Variants in SLC8A2 observed in about 807,000 individuals in gnomAD.
The protein encoded by SLC8A2 is solute carrier family 8 member A2, also known as sodium/calcium exchanger 2.
In SLC8A2, 14 loss-of-function variants were observed where a neutral mutation model predicts 70.2. That is an observed-to-expected ratio of 0.20 (90% confidence interval 0.13 to 0.31). The LOEUF (loss-of-function observed/expected upper bound fraction) is 0.31. Among genes scored for constraint, SLC8A2 ranks in the 10% least tolerant of loss-of-function variants. The pLI is 1.00. For missense variants in SLC8A2, 779 were observed against 1,320.1 expected (o/e 0.59, Z 6.35); for synonymous variants, 575 against 594.3 (o/e 0.97, Z 0.47).
chr19:47,458,685 C>T (rs1333198544), intron 2 of SLC8A2, among the ~76,000 whole-genome samples: 2 of 149,094 alleles, frequency 1.3e-5, no homozygotes, highest in African/African-American at 5.0e-5. Context: ...TTGCCTCTCC[C>T]CATGTCTGGA....
At chr19:47,461,081 T>C in intron 2 of SLC8A2, among the ~76,000 whole-genome samples, 1 of 151,490 alleles carries the variant, frequency 6.6e-6, no homozygotes, top group Non-Finnish European at 1.5e-5. Context: ...TCCCAGCTAC[T>C]TGGGAAGCTG....
At chr19:47,459,724 C>T (rs930142576) in intron 2 of SLC8A2, among the ~76,000 whole-genome samples, 15 of 142,590 alleles carry the variant, frequency 1.1e-4, no homozygotes, top group Non-Finnish European at 2.0e-4. Flanking sequence ...CATGTGTGTA[C>T]GTCTGTGTGT....
At position 47,432,161 on chromosome 19, in the gene SLC8A2, T is replaced by A; in HGVS notation, c.2389+6A>T. The A allele has an allele frequency of 6.2e-7, 1 of 1,600,390 alleles. No individual in the cohort carries two copies. Among genetic ancestry groups the A allele is most frequent in the Non-Finnish European group, 8.5e-7 (1 of 1,171,772 alleles). ...CCTACCCCACCAAAGTCTCCCAGGG[T>A]GTTACCAGGGATGGAGGTGCCCAGG... On this transcript the variant is annotated splice_donor_region_variant and intron_variant, in intron 9 of 9. Coordinates refer to ENST00000236877, the MANE Select transcript of SLC8A2 (RefSeq NM_015063.3). The surrounding 1 kb of genome is among the most constrained non-coding windows in gnomAD (Gnocchi z 6.2).
rs1248471367 is a variant in SLC8A2 at position 47,429,116 on chromosome 19, G to C, written c.*973C>G. 1 of 152,180 alleles carries C rather than the reference G, an allele frequency of 6.6e-6. No homozygotes were observed. The highest frequency in any genetic ancestry group is 2.4e-5 in the African/African-American group (1 of 41,288). 9.4% of individuals were successfully genotyped at this position (152,180 alleles called of 1,614,324 possible). ...TCGAGGGTCCTGCCCGGATTGGCTG[G>C]CACTGAGGGCAAAAGGAACCTTCCA... is the stretch of plus-strand genomic sequence containing the variant. On this transcript the variant is annotated 3_prime_UTR_variant, in exon 10 of 10. Transcript: ENST00000236877.
chr19:47,459,979 C>T (rs1359196416), intron 2 of SLC8A2, among the ~76,000 whole-genome samples: 1 of 152,050 alleles, frequency 6.6e-6, no homozygotes, highest in Non-Finnish European at 1.5e-5. Flanking sequence ...GGGACAGAGC[C>T]TGTGTGTCTT....
In SLC8A2 at chr19:47,466,224, G is replaced by A. The variant is rs543178040; in HGVS notation, c.180C>T (p.Pro60=). 518 of 1,608,648 alleles carry A rather than the reference G, an allele frequency of 3.2e-4. 3 individuals are homozygous for A. Among genetic ancestry groups the A allele is most frequent in the South Asian group, 1.6e-3 (143 of 90,792 alleles). Residue 60 remains proline (P), a synonymous_variant, in exon 2 of 10, where the codon CCC becomes CCT. Coordinates refer to ENST00000236877, the MANE Select transcript of SLC8A2 (RefSeq NM_015063.3). This position sits in a 1 kb window ranked among gnomAD's most constrained non-coding sequence, Gnocchi z 6.9. ...QPGVLLPVWE[P]DDPSLGDKAA... ...CCTTGTCACCCAGCGACGGGTCGTC[G>A]GGCTCCCACACGGGCAGCAGCACCC... is the stretch of plus-strand genomic sequence containing the variant.
intron 9 of SLC8A2, among the ~76,000 whole-genome samples, chr19:47,431,138 C>G (rs1265855604): frequency 6.6e-6 from 1 of 152,058 alleles, no homozygotes; most frequent in Non-Finnish European, 1.5e-5. Flanking sequence ...AGGTGATCCT[C>G]CCACCTCAGC....
chr19:47,459,428 T>A (rs1394904604), intron 2 of SLC8A2, among the ~76,000 whole-genome samples: 1 of 152,024 alleles, frequency 6.6e-6, no homozygotes, highest in Non-Finnish European at 1.5e-5. Context: ...CCTTGTGAGT[T>A]TCTTTCTCTT....
Position 47,437,477 on chromosome 19 carries a change from T to C in SLC8A2, c.2095A>G (p.Ile699Val), listed in dbSNP as rs553833778. Reference protein sequence around the residue: ...HSWREQFLEAITVSAGDEEEE... With the variant: ...HSWREQFLEAVTVSAGDEEEE... ...CCCCACTTACCTGCGCTCACCGTAA[T>C]TGCCTCTAAAAACTGCTCCCTCCAT... Residue 699 changes from isoleucine to valine, a missense_variant, in exon 8 of 10, where the codon ATT (isoleucine) becomes GTT (valine). Coordinates refer to ENST00000236877, the MANE Select transcript of SLC8A2 (RefSeq NM_015063.3). 2.1e-5 allele frequency: 34 copies of C among 1,611,416 alleles called. 1 individual carries two copies. Among genetic ancestry groups the C allele is most frequent in the South Asian group, 1.6e-4 (15 of 91,042 alleles).
Position 47,447,607 on chromosome 19 carries a change from AAG to A in SLC8A2, c.1763+200_1763+201del. 1 of 536,670 alleles carries A rather than the reference AAG, an allele frequency of 1.9e-6. No individual in the cohort carries two copies. Among genetic ancestry groups the A allele is most frequent in the Non-Finnish European group, 3.2e-6 (1 of 311,750 alleles). 33.2% of individuals were successfully genotyped at this position (536,670 alleles called of 1,614,324 possible). ...CTCCTGAGGGCCCAGCTGTTCAGTG[AAG>A]CCCCGCCCACGTCGTGGGCATGGGT... On this transcript the variant is annotated intron_variant, in intron 4 of 9. Transcript: ENST00000236877. This position sits in a 1 kb window ranked among gnomAD's most constrained non-coding sequence, Gnocchi z 5.1.
In SLC8A2 at chr19:47,457,538, C is replaced by A; in HGVS notation, c.732G>T (p.Trp244Cys). The change falls in exon 3 of 10, where the codon TGG becomes TGT. Residue 244 changes from tryptophan (W) to cysteine (C), a missense_variant. By Grantham distance (215) the Trp-to-Cys change is radical. Coordinates refer to ENST00000236877, the MANE Select transcript of SLC8A2 (RefSeq NM_015063.3). ...AGAAGAGCAGCCGCTTGTCGGCCAT[C>A]CAGGCGAATACCACGCACACCGGGA... ...VFFPVCVVFA[W>C]MADKRLLFYK... 6.2e-7 allele frequency: 1 copy of A among 1,602,000 alleles called. No homozygotes were observed. The highest frequency in any genetic ancestry group is 8.5e-7 in the Non-Finnish European group (1 of 1,175,514).
chr19:47,443,475 C>A (rs1967122799), intron 4 of SLC8A2, among the ~76,000 whole-genome samples: 1 of 152,188 alleles, frequency 6.6e-6, no homozygotes, highest in Non-Finnish European at 1.5e-5. Flanking sequence ...AAACACCCAG[C>A]CCACACAGTC....
intron 2 of SLC8A2, among the ~76,000 whole-genome samples, chr19:47,464,878 A>G (rs370076379): frequency 6.6e-6 from 1 of 152,238 alleles, no homozygotes; most frequent in Non-Finnish European, 1.5e-5. Flanking sequence ...AAGACTACAT[A>G]GTATGCGAGT....
chr19:47,457,809 T>TTCCTTTCTTC (rs1169130773), intron 2 of SLC8A2, among the ~76,000 whole-genome samples: 5 of 123,412 alleles, frequency 4.1e-5, no homozygotes, highest in Non-Finnish European at 8.2e-5. Flanking sequence ...TTCCTTCCTT[T>TTCCTTTCTTC]CTTCCTTCTT....
At position 47,430,847 on chromosome 19, in the gene SLC8A2, C is replaced by T. The variant is rs951447231; in HGVS notation, c.2390-382G>A. On this transcript the variant is annotated intron_variant, in intron 9 of 9. Coordinates refer to ENST00000236877, the MANE Select transcript of SLC8A2 (RefSeq NM_015063.3). This position sits in a 1 kb window ranked among gnomAD's most constrained non-coding sequence, Gnocchi z 5.9. ...GTTCAAGCGATTCTCTTGCCGGAGCCTCTGAGTAGCTGGGATTACAGGCGC... is the reference window on the plus strand; with the variant it reads ...GTTCAAGCGATTCTCTTGCCGGAGCTTCTGAGTAGCTGGGATTACAGGCGC... Among the ~76,000 whole-genome samples, 4 of 152,066 alleles carry T rather than the reference C, an allele frequency of 2.6e-5. No homozygotes were observed. Among genetic ancestry groups the T allele is most frequent in the Non-Finnish European group, 5.9e-5 (4 of 68,028 alleles).
chr19:47,433,718 T>C (rs1238166392), intron 8 of SLC8A2, among the ~76,000 whole-genome samples: 1 of 151,942 alleles, frequency 6.6e-6, no homozygotes, highest in African/African-American at 2.4e-5. Flanking sequence ...CTCAGCTTAC[T>C]GTAACCTCCG....
Position 47,432,606 on chromosome 19 carries a change from TA to T in SLC8A2, c.2111-162del, listed in dbSNP as rs1244982007. ...GGCCAAGTCAACTGCTAAAAACAGT[TA>T]CTTTCCCAGAATCCCTTGAAGCTAG... On this transcript the variant is annotated intron_variant, in intron 8 of 9. Coordinates refer to ENST00000236877, the MANE Select transcript of SLC8A2 (RefSeq NM_015063.3). The surrounding 1 kb of genome is among the most constrained non-coding windows in gnomAD (Gnocchi z 6.2). 6 of 623,630 alleles carry T rather than the reference TA, an allele frequency of 9.6e-6. No homozygotes were observed. In the East Asian group the frequency reaches 1.8e-4, roughly 19 times the overall value. 38.6% of individuals were successfully genotyped at this position (623,630 alleles called of 1,614,324 possible).
rs1437225445 is a variant in SLC8A2 at position 47,468,128 on chromosome 19, G to A, written c.-16-1709C>T. On this transcript the variant is annotated intron_variant, in intron 1 of 9. Transcript: ENST00000236877. This position sits in a 1 kb window ranked among gnomAD's most constrained non-coding sequence, Gnocchi z 5.1. ...CAGCGTCCTCTCCAGGGCCCGTGAG[G>A]TCCTGCCCAACCTGGCCCCGACTCC... is the stretch of plus-strand genomic sequence containing the variant. Among the ~76,000 whole-genome samples, 2 of 151,398 alleles carry A rather than the reference G, an allele frequency of 1.3e-5. No individual in the cohort carries two copies. Among genetic ancestry groups the A allele is most frequent in the African/African-American group, 4.9e-5 (2 of 41,160 alleles).
At chr19:47,436,938 C>T (rs1418507034) in intron 8 of SLC8A2, among the ~76,000 whole-genome samples, 1 of 152,132 alleles carries the variant, frequency 6.6e-6, no homozygotes, top group Non-Finnish European at 1.5e-5. Context: ...GTGGCCACAC[C>T]ATTTAATCTG....
Sources: gnomAD v4.1 joint callset for allele counts (sites outside exome capture counted in the v4.1 genomes callset) on GRCh38, gnomAD v4.1.1 for gene constraint, Gnocchi (gnomAD v3.1) non-coding constraint, MANE v1.5 for transcripts, NCBI Gene and HGNC (gene_info 2026-07-23, HGNC 2026-07-21) for gene names.